Variants in PACS2 observed in about 807,000 individuals in gnomAD.
PACS2 encodes the protein PACS1-like protein.
In PACS2, 36 loss-of-function variants were observed where a neutral mutation model predicts 113.0. The observed-to-expected ratio is 0.32, with a 90% CI of 0.24 to 0.42. PACS2 has a LOEUF of 0.42. Among genes scored for constraint, PACS2 ranks in the 10% least tolerant of loss-of-function variants. The pLI is 1.00. For synonymous variants in PACS2, 589 were observed against 536.1 expected, an observed-to-expected ratio of 1.10 and a Z score of -1.36; for missense variants, 1,015 against 1,239.5, an observed-to-expected ratio of 0.82 and a Z score of 2.72.
At chr14:105,316,420 G>GC (rs1417844476) in intron 1 of PACS2, among the ~76,000 whole-genome samples, 1 of 152,230 alleles carries the variant, frequency 6.6e-6, no homozygotes, top group Non-Finnish European at 1.5e-5. Context: ...CAGCCCCACA[G>GC]CCCTTCTCCT....
Position 105,391,740 on chromosome 14 carries a change from G to A in PACS2, c.2229G>A (p.Ser743=), listed in dbSNP as rs376699340. 1.9e-5 allele frequency: 30 copies of A among 1,595,272 alleles called. No individual in the cohort carries two copies. Among genetic ancestry groups the A allele is most frequent in the South Asian group, 5.7e-5 (5 of 88,072 alleles). The part of the protein sequence containing the change: ...EASPTPPSSP[S]VSGGLSSPSQ... The stretch of plus-strand genomic sequence containing the variant: ...CACCCACCCCGCCCTCCTCCCCGTC[G>A]GTGAGCGGAGGCCTGTCCTCCCCCA... Residue 743 remains serine (S), a synonymous_variant, in exon 22 of 25, where the codon TCG becomes TCA. Coordinates refer to ENST00000447393, the MANE Select transcript of PACS2 (RefSeq NM_001100913.3).
intron 1 of PACS2, among the ~76,000 whole-genome samples, chr14:105,342,933 A>T (rs1207857034): frequency 1.9e-5 from 2 of 106,062 alleles, no homozygotes; most frequent in Admixed American, 8.5e-5. Flanking sequence ...ACTCTGTCTT[A>T]AAAAAAAAAA....
intron 1 of PACS2, among the ~76,000 whole-genome samples, chr14:105,302,943 C>T (rs1595509852): frequency 6.8e-6 from 1 of 146,730 alleles, no homozygotes; most frequent in Admixed American, 6.8e-5. Flanking sequence ...TTCTCTAGTT[C>T]TTTTTTTTTT....
At chr14:105,383,747 T>G (rs2081076036) in intron 16 of PACS2, 2 of 526,158 alleles carry the variant, frequency 3.8e-6, no homozygotes, top group Non-Finnish European at 6.7e-6. Flanking sequence ...CAAGATAACT[T>G]GATTGCCCTA....
intron 8 of PACS2, among the ~76,000 whole-genome samples, chr14:105,375,600 A>G (rs1256519668): frequency 6.6e-6 from 1 of 152,232 alleles, no homozygotes; most frequent in Non-Finnish European, 1.5e-5. Context: ...GGGAAATGTA[A>G]ACCAAACCAC....
chr14:105,314,378 TTCC>T (rs2058454608), upstream of PACS2: 2 of 151,118 alleles, frequency 1.3e-5, no homozygotes, highest in African/African-American at 4.9e-5. Context: ...ACGATGAGCT[TTCC>T]TTAGGGGGCG....
At chr14:105,368,932 C>T (rs1386246936) in intron 7 of PACS2, among the ~76,000 whole-genome samples, 6 of 152,258 alleles carry the variant, frequency 3.9e-5, no homozygotes, top group African/African-American at 1.4e-4. Context: ...TCCACGGTCC[C>T]CAGGAGCTTG....
intron 10 of PACS2, 90 bp downstream of exon 10, chr14:105,379,919 G>A (rs587609664): frequency 7.0e-7 from 1 of 1,419,112 alleles, no homozygotes; most frequent in Non-Finnish European, 9.9e-7. Flanking sequence ...CCTGGGCCCA[G>A]GGCCCTGTCC....
intron 1 of PACS2, among the ~76,000 whole-genome samples, chr14:105,334,751 A>T (rs760350117): frequency 2.6e-5 from 4 of 152,260 alleles, no homozygotes; most frequent in Admixed American, 6.5e-5. Context: ...TCATGCTCAC[A>T]GGTGCACGTG....
chr14:105,386,864 T>G (rs1418964847), intron 19 of PACS2, among the ~76,000 whole-genome samples: 1 of 152,168 alleles, frequency 6.6e-6, no homozygotes, highest in African/African-American at 2.4e-5. Context: ...GGGCCTCCCC[T>G]GCTGACCCCC....
In PACS2 at chr14:105,376,256, A is replaced by G. The variant is rs1566954789; in HGVS notation, c.802-512A>G. Among the ~76,000 whole-genome samples, 2 of 151,354 alleles carry G rather than the reference A, an allele frequency of 1.3e-5. No homozygotes were observed. The highest frequency in any genetic ancestry group is 2.9e-5 in the Non-Finnish European group (2 of 67,860). ...ACATGAAGTGTGCCACGCTGGGTGG[A>G]TGACGCCCTCCTCCCCCCGCCACCG... is the stretch of plus-strand genomic sequence containing the variant. On this transcript the variant is annotated intron_variant, in intron 8 of 24. Transcript: ENST00000447393. This position sits in a 1 kb window ranked among gnomAD's most constrained non-coding sequence, Gnocchi z 4.7.
intron 9 of PACS2, among the ~76,000 whole-genome samples, chr14:105,378,566 C>T (rs1473255408): frequency 6.6e-6 from 1 of 152,218 alleles, no homozygotes; most frequent in Non-Finnish European, 1.5e-5. Context: ...TGCGCCACCA[C>T]ACCCAGCTAA....
Position 105,317,944 on chromosome 14 carries a change from A to G in PACS2, c.119+2907A>G, listed in dbSNP as rs587673813. ...CGCTTTTGGCTCAGCACTGTTACAC[A>G]CGGTGCTCCTAGGTGGTCCACGGGG... is the stretch of plus-strand genomic sequence containing the variant. On this transcript the variant is annotated intron_variant, in intron 1 of 24. Coordinates refer to ENST00000447393, the MANE Select transcript of PACS2 (RefSeq NM_001100913.3). This position sits in a 1 kb window ranked among gnomAD's most constrained non-coding sequence, Gnocchi z 4.2. Among the ~76,000 whole-genome samples the G allele has an allele frequency of 1.4e-4, 21 of 152,136 alleles. No individual in the cohort carries two copies. The highest frequency in any genetic ancestry group is 1.5e-5 in the Non-Finnish European group (1 of 67,970).
rs1385455759 is a variant in PACS2, at chr14:105,355,503, C to T, written c.423+326C>T. ...TCTGGAGTCCTTCCCATGGAGGAAT[C>T]GCTGCTGTCCCCACACCACGGGTGC... On this transcript the variant is annotated intron_variant, in intron 4 of 24. Coordinates refer to ENST00000447393, the MANE Select transcript of PACS2 (RefSeq NM_001100913.3). This position sits in a 1 kb window ranked among gnomAD's most constrained non-coding sequence, Gnocchi z 4.1. Among the ~76,000 whole-genome samples, 1 of 152,212 alleles carries T rather than the reference C, an allele frequency of 6.6e-6. No individual in the cohort carries two copies. Among genetic ancestry groups the T allele is most frequent in the Admixed American group, 6.5e-5 (1 of 15,288 alleles).
intron 21 of PACS2, 89 bp downstream of exon 21, chr14:105,391,338 C>T (rs2081348345): frequency 1.2e-5 from 12 of 1,005,704 alleles, no homozygotes; most frequent in African/African-American, 4.7e-5. Flanking sequence ...CCAGATCAAC[C>T]TTTCAGGGCC....
rs2140857099 is a variant in PACS2, at chr14:105,323,313, A to G, written c.119+8276A>G. Among the ~76,000 whole-genome samples the G allele has an allele frequency of 6.6e-6, 1 of 152,164 alleles. No individual in the cohort carries two copies. The highest frequency in any genetic ancestry group is 2.4e-5 in the African/African-American group (1 of 41,514). ...CCTGCCGGATCCTCCACATCCATAGATGCACTGGGTGGTGTCAGTGGGCGG... is the reference window on the plus strand; with the variant it reads ...CCTGCCGGATCCTCCACATCCATAGGTGCACTGGGTGGTGTCAGTGGGCGG... On this transcript the variant is annotated intron_variant, in intron 1 of 24. Coordinates refer to ENST00000447393, the MANE Select transcript of PACS2 (RefSeq NM_001100913.3). This position sits in a 1 kb window ranked among gnomAD's most constrained non-coding sequence, Gnocchi z 4.1.
intron 23 of PACS2, 136 bp from the exon 24 acceptor site, chr14:105,393,086 G>T: frequency 1.3e-6 from 1 of 747,094 alleles, no homozygotes; most frequent in Non-Finnish European, 2.3e-6. Context: ...CTCAGTCACC[G>T]TGGAAGGCAG....
intron 23 of PACS2, 33 bp downstream of exon 23, chr14:105,392,878 G>A (rs782760196): frequency 1.7e-5 from 26 of 1,498,822 alleles, no homozygotes; most frequent in Admixed American, 1.0e-4. Context: ...GCCACACGGC[G>A]CAGAAGGGCG....
chr14:105,331,822 C>T (rs1875843562), intron 1 of PACS2, among the ~76,000 whole-genome samples: 4 of 152,222 alleles, frequency 2.6e-5, no homozygotes, highest in Admixed American at 2.6e-4. Context: ...TTTCCTGGAG[C>T]ACATCCTTCA....
Sources: allele counts gnomAD v4.1 joint callset (sites outside exome capture counted in the v4.1 genomes callset), GRCh38; gene constraint gnomAD v4.1.1; non-coding constraint Gnocchi (gnomAD v3.1); transcripts MANE v1.5; gene names NCBI Gene and HGNC (gene_info 2026-07-23, HGNC 2026-07-21).